CYP2C19: variants seen among roughly 807,000 people sequenced by gnomAD.
The protein encoded by CYP2C19 is cytochrome P450 family 2 subfamily C member 19.
CYP2C19 carries 59 observed loss-of-function variants against 40.9 expected under a neutral mutation model. The observed-to-expected ratio is 1.44, with a 90% confidence interval of 1.17 to 1.79. The LOEUF (loss-of-function observed/expected upper bound fraction) is 1.79. Among genes scored for constraint, CYP2C19 ranks in the 40% most tolerant of loss-of-function variants. CYP2C19 has a pLI of 0.00. For synonymous variants in CYP2C19, 253 were observed against 208.7 expected (o/e 1.21, Z -1.83); for missense variants, 754 against 596.9 (o/e 1.26, Z -2.74).
chr10:94,802,886 A>AT (rs1564670016), intron 5 of CYP2C19, among the ~76,000 whole-genome samples: 2 of 151,958 alleles, frequency 1.3e-5, no homozygotes, highest in East Asian at 1.9e-4. Context: ...GAAAATTATT[A>AT]TTTTTTTAAG....
At chr10:94,805,618 T>C (rs1848823887) in intron 5 of CYP2C19, among the ~76,000 whole-genome samples, 1 of 152,172 alleles carries the variant, frequency 6.6e-6, no homozygotes, top group Non-Finnish European at 1.5e-5. Flanking sequence ...GCATTGTAGA[T>C]CATGCCTGTA....
chr10:94,800,329 C>T (rs763069206), intron 5 of CYP2C19, among the ~76,000 whole-genome samples: 1 of 152,220 alleles, frequency 6.6e-6, no homozygotes, highest in Non-Finnish European at 1.5e-5. Flanking sequence ...GTATAACCAG[C>T]GGAGGCTGCA....
intron 6 of CYP2C19, among the ~76,000 whole-genome samples, chr10:94,839,300 T>G (rs1849453605): frequency 6.6e-6 from 1 of 151,868 alleles, no homozygotes; most frequent in South Asian, 2.1e-4. Flanking sequence ...CACTCAGAGG[T>G]GAGTTCCTTT....
At chr10:94,850,508 T>A (rs1045602155) in intron 8 of CYP2C19, among the ~76,000 whole-genome samples, 2 of 152,178 alleles carry the variant, frequency 1.3e-5, no homozygotes, top group Non-Finnish European at 2.9e-5. Flanking sequence ...GGCTCACTTC[T>A]GTGTTTGGAA....
chr10:94,829,397 G>A (rs191546953), intron 6 of CYP2C19, among the ~76,000 whole-genome samples: 58 of 151,632 alleles, frequency 3.8e-4, no homozygotes, highest in East Asian at 9.7e-4. Context: ...TTCCCTTCTC[G>A]CTACATTTCA....
Position 94,801,960 on chromosome 10 carries a change from G to A in CYP2C19, c.820-18536G>A, listed in dbSNP as rs1589359556. 2.0e-5 allele frequency among the ~76,000 whole-genome samples: 3 copies of A among 152,296 alleles called. No individual in the cohort carries two copies. The South Asian group carries it at 6.2e-4, about 32-fold the overall frequency. ...AGTGAGTAGCAGCAAGATTTATTGT[G>A]GAGAGCGAAAGAACAAAGCTTTGAC... On this transcript the variant is annotated intron_variant, in intron 5 of 8. Coordinates refer to ENST00000371321, the MANE Select transcript of CYP2C19 (RefSeq NM_000769.4).
intron 1 of CYP2C19, among the ~76,000 whole-genome samples, chr10:94,770,235 T>A (rs1848308846): frequency 6.6e-6 from 1 of 152,150 alleles, no homozygotes; most frequent in African/African-American, 2.4e-5. Context: ...GTTGGGGGCT[T>A]CTGGCCCAGA....
chr10:94,777,729 G>A (rs1486588044), intron 3 of CYP2C19, among the ~76,000 whole-genome samples: 1 of 152,030 alleles, frequency 6.6e-6, no homozygotes, highest in Non-Finnish European at 1.5e-5. Flanking sequence ...TACCATTCAG[G>A]ACATAAGCAT....
At chr10:94,812,043 T>G (rs1848934085) in intron 5 of CYP2C19, among the ~76,000 whole-genome samples, 1 of 152,210 alleles carries the variant, frequency 6.6e-6, no homozygotes, top group Non-Finnish European at 1.5e-5. Context: ...TAGTGTTTCC[T>G]TCAGGAGCTC....
intron 1 of CYP2C19, among the ~76,000 whole-genome samples, chr10:94,768,929 C>T (rs1848288544): frequency 6.6e-6 from 1 of 152,072 alleles, no homozygotes; most frequent in Admixed American, 6.5e-5. Flanking sequence ...GAGTATTTGC[C>T]CTCTGGGTTT....
intron 6 of CYP2C19, among the ~76,000 whole-genome samples, chr10:94,833,715 G>C (rs1849362951): frequency 6.6e-6 from 1 of 152,218 alleles, no homozygotes; most frequent in Non-Finnish European, 1.5e-5. Flanking sequence ...ATGAAGGGAT[G>C]TTGAATTTTA....
chr10:94,779,923 AT>A (rs1412483446), intron 3 of CYP2C19, among the ~76,000 whole-genome samples: 1 of 152,170 alleles, frequency 6.6e-6, no homozygotes. Context: ...TTTTTGTTTA[AT>A]TTTTTTGACA....
intron 8 of CYP2C19, 82 bp downstream of exon 8, chr10:94,850,140 G>T (rs1849631230): frequency 6.7e-7 from 1 of 1,486,554 alleles, no homozygotes; most frequent in Non-Finnish European, 9.4e-7. Context: ...TGCCTTCTCT[G>T]CAGTGGTACA....
chr10:94,808,399 T>G (rs1221102036), intron 5 of CYP2C19, among the ~76,000 whole-genome samples: 3 of 152,166 alleles, frequency 2.0e-5, no homozygotes, highest in African/African-American at 7.2e-5. Flanking sequence ...ATGGTTTATC[T>G]ATCCTCTCAA....
At chr10:94,771,305 G>A (rs1005848393) in intron 1 of CYP2C19, among the ~76,000 whole-genome samples, 8 of 152,112 alleles carry the variant, frequency 5.3e-5, no homozygotes, top group African/African-American at 1.9e-4. Context: ...TTAATAGGAA[G>A]TGGAACTATA....
chr10:94,788,128 C>T (rs1004641700), intron 5 of CYP2C19, among the ~76,000 whole-genome samples: 1 of 151,758 alleles, frequency 6.6e-6, no homozygotes, highest in Admixed American at 6.6e-5. Context: ...CCCCACCCCC[C>T]ACTATGGCTA....
intron 5 of CYP2C19, among the ~76,000 whole-genome samples, chr10:94,820,059 A>C (rs1223777289): frequency 6.7e-6 from 1 of 150,356 alleles, no homozygotes; most frequent in African/African-American, 2.4e-5. Context: ...AGTGGGCTTC[A>C]TCCCTGGGAT....
At position 94,846,887 on chromosome 10, in the gene CYP2C19, A is replaced by G. The variant is rs151279394; in HGVS notation, c.1150-3030A>G. ...ATGAATATCTCTCCCGTATCTTTAA[A>G]TGATAACAAACAAACTACATGGCAA... On this transcript the variant is annotated intron_variant, in intron 7 of 8. Transcript: ENST00000371321. 2.6e-5 allele frequency among the ~76,000 whole-genome samples: 4 copies of G among 151,970 alleles called. No individual in the cohort carries two copies. The East Asian group carries it at 7.8e-4, about 30-fold the overall frequency.
intron 6 of CYP2C19, among the ~76,000 whole-genome samples, chr10:94,829,164 G>A (rs1849284839): frequency 6.6e-6 from 1 of 152,132 alleles, no homozygotes; most frequent in Non-Finnish European, 1.5e-5. Context: ...TTCTTGAGGA[G>A]TATCTTTGTG....
Sources: gnomAD v4.1 joint callset for allele counts (sites outside exome capture counted in the v4.1 genomes callset) on GRCh38, gnomAD v4.1.1 for gene constraint, MANE v1.5 for transcripts, NCBI Gene and HGNC (gene_info 2026-07-23, HGNC 2026-07-21) for gene names.